Variants in NCMAP observed in about 807,000 individuals in gnomAD.
NCMAP encodes the protein non-compact myelin associated protein.
Under a neutral mutation model 7.8 loss-of-function variants are expected in NCMAP, and 8 were observed. The observed-to-expected ratio is 1.02, with a 90% CI of 0.60 to 1.84. The LOEUF (loss-of-function observed/expected upper bound fraction) is 1.84, where lower values mean the gene tolerates loss of function less well. NCMAP is among the 40% of genes most tolerant of loss of function. The probability of loss-of-function intolerance (pLI) is 0.00; values close to 1 mark genes in which losing one functional copy is unlikely to be tolerated. For missense variants in NCMAP, 112 were observed against 131.4 expected, an observed-to-expected ratio of 0.85 and a Z score of 0.72; for synonymous variants, 41 against 52.9, an observed-to-expected ratio of 0.78 and a Z score of 0.98.
At chr1:24,602,291 C>T (rs1487592898) in intron 3 of NCMAP, among the ~76,000 whole-genome samples, 3 of 151,910 alleles carry the variant, frequency 2.0e-5, no homozygotes, top group East Asian at 3.9e-4. Context: ...ATGGTAAACA[C>T]GCATTGTTTT....
Position 24,605,756 on chromosome 1 carries a change from C to G in NCMAP, c.*9C>G. The G allele has an allele frequency of 6.2e-7, 1 of 1,614,076 alleles. No individual in the cohort carries two copies. Among genetic ancestry groups the G allele is most frequent in the East Asian group, 2.2e-5 (1 of 44,884 alleles). On this transcript the variant is annotated 3_prime_UTR_variant, in exon 4 of 4. Coordinates refer to ENST00000374392, the MANE Select transcript of NCMAP (RefSeq NM_001010980.5). ...AGGTGGAGACGCGATGACCTCTACCCTGGCGCTATCTCCACCACTGTCCAA... is the reference window on the plus strand; with the variant it reads ...AGGTGGAGACGCGATGACCTCTACCGTGGCGCTATCTCCACCACTGTCCAA...
intron 3 of NCMAP, among the ~76,000 whole-genome samples, chr1:24,601,891 A>AT (rs1413404762): frequency 6.6e-6 from 1 of 152,042 alleles, no homozygotes; most frequent in Non-Finnish European, 1.5e-5. Flanking sequence ...ATACGAAAAA[A>AT]TTAGCCGGGT....
At chr1:24,578,560 CTTTTTT>C (rs555342098) in intron 1 of NCMAP, among the ~76,000 whole-genome samples, 1 of 107,378 alleles carries the variant, frequency 9.3e-6, no homozygotes. Flanking sequence ...TTCTTTCTTT[CTTTTTT>C]TTTTTTTTTT....
chr1:24,561,931 A>T (rs1377365359), intron 1 of NCMAP, among the ~76,000 whole-genome samples: 1 of 151,094 alleles, frequency 6.6e-6, no homozygotes. Flanking sequence ...AAAAAGAAAA[A>T]GGAGGGAGGG....
At position 24,590,760 on chromosome 1, in the gene NCMAP, A is replaced by G. The variant is rs189049511; in HGVS notation, c.-7-4664A>G. ...GTAGTGGGGACTACAGGCACACACC[A>G]CCACCAGGCTGGCTAATTTGTGCTT... On this transcript the variant is annotated intron_variant, in intron 1 of 3. Transcript: ENST00000374392. Among the ~76,000 whole-genome samples, 558 of 152,258 alleles carry G rather than the reference A, an allele frequency of 3.7e-3. 2 individuals are homozygous for G. The highest frequency in any genetic ancestry group is 6.8e-3 in the Middle Eastern group (2 of 294).
chr1:24,559,098 C>A (rs946649520), intron 1 of NCMAP, among the ~76,000 whole-genome samples: 1 of 152,192 alleles, frequency 6.6e-6, no homozygotes, highest in East Asian at 1.9e-4. Flanking sequence ...TGGGCTAAAC[C>A]TGTTGCTGGC....
intron 1 of NCMAP, among the ~76,000 whole-genome samples, chr1:24,586,781 C>T (rs942733898): frequency 1.6e-4 from 23 of 147,062 alleles, no homozygotes; most frequent in African/African-American, 5.7e-4. Flanking sequence ...AAAAAAAGCA[C>T]CTTCACTTGG....
At chr1:24,602,127 A>G (rs1652519781) in intron 3 of NCMAP, among the ~76,000 whole-genome samples, 1 of 152,154 alleles carries the variant, frequency 6.6e-6, no homozygotes, top group Non-Finnish European at 1.5e-5. Flanking sequence ...AAAGTTTACA[A>G]AACTATATAT....
At position 24,600,939 on chromosome 1, in the gene NCMAP, G is replaced by A. The variant is rs567192754; in HGVS notation, c.83-1G>A. 6.2e-7 allele frequency: 1 copy of A among 1,613,994 alleles called. No homozygotes were observed. The highest frequency in any genetic ancestry group is 1.7e-5 in the Admixed American group (1 of 60,018). On this transcript the variant is annotated splice_acceptor_variant, in intron 2 of 3. Transcript: ENST00000374392. LOFTEE classifies it high-confidence loss of function. The stretch of plus-strand genomic sequence containing the variant: ...GGTCTCTGCTTCTCTCCTTTCTGTA[G>A]GTTCTGGAGCCATTGTTGCTGCCGT...
intron 3 of NCMAP, among the ~76,000 whole-genome samples, chr1:24,605,232 T>A (rs1652681524): frequency 6.6e-6 from 1 of 152,106 alleles, no homozygotes; most frequent in Admixed American, 6.6e-5. Context: ...ATGTAAAAAG[T>A]TCTTAAATAT....
intron 2 of NCMAP, among the ~76,000 whole-genome samples, chr1:24,598,668 C>T (rs1022120522): frequency 5.3e-5 from 8 of 151,396 alleles, no homozygotes; most frequent in African/African-American, 9.7e-5. Flanking sequence ...CTCACTCTGC[C>T]GCCCAGGCTG....
intron 1 of NCMAP, among the ~76,000 whole-genome samples, chr1:24,564,623 C>T (rs12405754): frequency 6.8e-5 from 10 of 147,902 alleles, no homozygotes; most frequent in Middle Eastern, 3.4e-3. Flanking sequence ...AAATAATTGA[C>T]GAAATAATGG....
rs78594011 is a variant in NCMAP, at chr1:24,573,952, C to CAAAAAAAAAAAAAAAAAAAAAAAAAA, written c.-8+17802_-8+17803insAAAAAAAAAAAAAAAAAAAAAAAAAA. Among the ~76,000 whole-genome samples, 57 of 84,422 alleles carry CAAAAAAAAAAAAAAAAAAAAAAAAAA rather than the reference C, an allele frequency of 6.8e-4. 3 individuals are homozygous for CAAAAAAAAAAAAAAAAAAAAAAAAAA. Among genetic ancestry groups the CAAAAAAAAAAAAAAAAAAAAAAAAAA allele is most frequent in the East Asian group, 2.0e-3 (5 of 2,484 alleles). 55.4% of individuals were successfully genotyped at this position (84,422 alleles called of 152,430 possible). ...CACTCTGCTGGGGACCCAGAGAGGA[C>CAAAAAAAAAAAAAAAAAAAAAAAAAA]AAAAAAAAAAAAAAAAAAACAGAAA... On this transcript the variant is annotated intron_variant, in intron 1 of 3. Transcript: ENST00000374392.
chr1:24,595,603 G>A (rs1570536195), intron 2 of NCMAP, 91 bp downstream of exon 2: 4 of 1,029,276 alleles, frequency 3.9e-6, no homozygotes, highest in East Asian at 2.5e-5. Context: ...GGCTCTGGAG[G>A]TGGACTGCCT....
In NCMAP at chr1:24,566,327, G is replaced by A. The variant is rs149368316; in HGVS notation, c.-8+10158G>A. On this transcript the variant is annotated intron_variant, in intron 1 of 3. Transcript: ENST00000374392. ...TCTAAGCAGTCACAGGGCCCACCTA[G>A]CTTCAAGGGAGTGGAGAAATGGACT... is the stretch of plus-strand genomic sequence containing the variant. Among the ~76,000 whole-genome samples, 446 of 152,278 alleles carry A rather than the reference G, an allele frequency of 2.9e-3. 4 individuals carry two copies. Among genetic ancestry groups the A allele is most frequent in the Non-Finnish European group, 2.7e-3 (187 of 68,028 alleles).
At chr1:24,569,956 A>AT (rs910198839) in intron 1 of NCMAP, among the ~76,000 whole-genome samples, 3 of 149,270 alleles carry the variant, frequency 2.0e-5, no homozygotes, top group Non-Finnish European at 4.4e-5. Context: ...CTTAAAAAAA[A>AT]TTTTTTTTTG....
At chr1:24,599,834 C>CCCCCCCCCCG (rs1557603585) in intron 2 of NCMAP, among the ~76,000 whole-genome samples, 2 of 69,322 alleles carry the variant, frequency 2.9e-5, no homozygotes, top group African/African-American at 4.4e-5. Flanking sequence ...CCCCCCCCCC[C>CCCCCCCCCCG]CCCCCTTGGC....
intron 1 of NCMAP, among the ~76,000 whole-genome samples, chr1:24,588,788 G>A (rs938111705): frequency 5.3e-5 from 8 of 152,166 alleles, no homozygotes; most frequent in Admixed American, 5.2e-4. Flanking sequence ...TCAGAGTGTG[G>A]CCAAGGGCAG....
intron 1 of NCMAP, among the ~76,000 whole-genome samples, chr1:24,582,627 G>C (rs139380864): frequency 1.3e-3 from 193 of 152,296 alleles, no homozygotes; most frequent in Middle Eastern, 3.4e-3. Flanking sequence ...CAGCTTGCAA[G>C]AAAAGGCCCA....
Sources: allele counts gnomAD v4.1 joint callset (sites outside exome capture counted in the v4.1 genomes callset), GRCh38; gene constraint gnomAD v4.1.1; transcripts MANE v1.5; gene names NCBI Gene and HGNC (gene_info 2026-07-23, HGNC 2026-07-21).